PTPRF: variants seen among roughly 807,000 people sequenced by gnomAD.
PTPRF encodes protein tyrosine phosphatase receptor type F.
In PTPRF, 59 loss-of-function variants were observed where a neutral mutation model predicts 201.8. The observed-to-expected ratio is 0.29, with a 90% CI of 0.24 to 0.36. The LOEUF (loss-of-function observed/expected upper bound fraction) is 0.36. Ranked by LOEUF, PTPRF falls within the 10% of genes least tolerant of loss-of-function variation. PTPRF has a pLI of 1.00. For missense variants in PTPRF, 2,132 were observed against 2,690.5 expected (o/e 0.79, Z 4.59); for synonymous variants, 1,088 against 1,089.7 (o/e 1.00, Z 0.03).
intron 23 of PTPRF, among the ~76,000 whole-genome samples, chr1:43,615,861 G>C (rs1050489514): frequency 6.6e-6 from 1 of 152,166 alleles, no homozygotes; most frequent in African/African-American, 2.4e-5. Flanking sequence ...CACTGCACCA[G>C]GCCTGCTCTG....
At chr1:43,593,945 C>T (rs976327001) in intron 11 of PTPRF, among the ~76,000 whole-genome samples, 2 of 151,980 alleles carry the variant, frequency 1.3e-5, no homozygotes, top group African/African-American at 2.4e-5. Flanking sequence ...GAGATGGTGC[C>T]ATTGTACTGC....
Position 43,622,040 on chromosome 1 carries a change from G to A in PTPRF, c.*37G>A, listed in dbSNP as rs2154042111. 1 of 1,600,876 alleles carries A rather than the reference G, an allele frequency of 6.2e-7. No individual in the cohort carries two copies. The highest frequency in any genetic ancestry group is 8.6e-7 in the Non-Finnish European group (1 of 1,168,522). On this transcript the variant is annotated 3_prime_UTR_variant, in exon 34 of 34. Coordinates refer to ENST00000359947, the MANE Select transcript of PTPRF (RefSeq NM_002840.5). Reference sequence around the variant, plus strand: ...CTCTCCTCCGCCACCCCCGCCGTGGGGCTCCGGAGGGGACCCAGCTCCTCT... The same window carrying A: ...CTCTCCTCCGCCACCCCCGCCGTGGAGCTCCGGAGGGGACCCAGCTCCTCT...
Position 43,546,358 on chromosome 1 carries a change from A to G in PTPRF, c.91+1192A>G, listed in dbSNP as rs1047533775. ...CATGGGAGCACCAGGTACCAAAGAG[A>G]GGGCTGGGCAGGTGAGAGCAAGGAA... is the stretch of plus-strand genomic sequence containing the variant. On this transcript the variant is annotated intron_variant, in intron 3 of 33. Coordinates refer to ENST00000359947, the MANE Select transcript of PTPRF (RefSeq NM_002840.5). This position sits in a 1 kb window ranked among gnomAD's most constrained non-coding sequence, Gnocchi z 4.2. Among the ~76,000 whole-genome samples the G allele has an allele frequency of 1.3e-5, 2 of 151,988 alleles. No individual in the cohort carries two copies. The highest frequency in any genetic ancestry group is 4.8e-5 in the African/African-American group (2 of 41,358).
chr1:43,585,000 T>C (rs529383035), intron 7 of PTPRF, among the ~76,000 whole-genome samples: 1 of 152,202 alleles, frequency 6.6e-6, no homozygotes, highest in Non-Finnish European at 1.5e-5. Context: ...TGAAATATAA[T>C]CCAGAAATGG....
chr1:43,527,268 C>T (rs150186420), upstream of PTPRF, among the ~76,000 whole-genome samples: 148 of 152,310 alleles, frequency 9.7e-4, no homozygotes, highest in Non-Finnish European at 1.8e-3. Context: ...CATCCCTCCC[C>T]GCCAGGCCCA....
chr1:43,569,440 A>G (rs1646420603), intron 5 of PTPRF, 150 bp from the exon 6 acceptor site: 1 of 749,272 alleles, frequency 1.3e-6, no homozygotes, highest in Non-Finnish European at 2.1e-6. Flanking sequence ...GGTTCCTCAA[A>G]TCGGGGTATG....
intron 6 of PTPRF, among the ~76,000 whole-genome samples, chr1:43,578,476 T>G (rs1406880382): frequency 6.6e-6 from 1 of 152,128 alleles, no homozygotes; most frequent in East Asian, 1.9e-4. Context: ...ACAGGGATGT[T>G]GATTGGGAAA....
rs778116534 is a variant in PTPRF at position 43,592,471 on chromosome 1, C to T, written c.1683C>T (p.Phe561=). The part of the protein sequence containing the change: ...EDEDQQHKVT[F]DPTSSYTLED... ...GCTCTTCCCAGCACAAGGTGACCTT[C>T]GACCCAACCTCCTCCTACACACTAG... The change falls in exon 11 of 34, where the codon TTC becomes TTT. Residue 561 remains phenylalanine, a synonymous_variant. Transcript: ENST00000359947. The T allele has an allele frequency of 3.7e-6, 6 of 1,610,394 alleles. No homozygotes were observed. The highest frequency in any genetic ancestry group is 4.2e-6 in the Non-Finnish European group (5 of 1,178,326).
At chr1:43,615,905 C>T (rs892418764) in intron 23 of PTPRF, among the ~76,000 whole-genome samples, 1 of 152,136 alleles carries the variant, frequency 6.6e-6, no homozygotes, top group Non-Finnish European at 1.5e-5. Flanking sequence ...ATTGATCACA[C>T]ATTTTCCATG....
chr1:43,531,033 A>G lies in PTPRF; in HGVS notation c.-183A>G. ...GAGGCGGCGGCGGCAGAGGAGTGGG[A>G]GCAGCGGCCCTAGCGGCTTGCGGGG... On this transcript the variant is annotated 5_prime_UTR_variant, in exon 1 of 34. Coordinates refer to ENST00000359947, the MANE Select transcript of PTPRF (RefSeq NM_002840.5). 6.5e-6 allele frequency: 1 copy of G among 154,422 alleles called. No homozygotes were observed. The highest frequency in any genetic ancestry group is 1.4e-5 in the Non-Finnish European group (1 of 69,556). 9.6% of individuals were successfully genotyped at this position (154,422 alleles called of 1,614,324 possible). A position where few individuals can be genotyped will look rare whatever the true frequency, so the allele number is the denominator to read the frequency against.
chr1:43,605,651 C>G, intron 19 of PTPRF, 29 bp downstream of exon 19: 1 of 1,598,510 alleles, frequency 6.3e-7, no homozygotes, highest in Non-Finnish European at 8.6e-7. Context: ...GGGACACTGA[C>G]AGCCCCATTG....
intron 25 of PTPRF, 39 bp from the exon 26 acceptor site, chr1:43,618,591 G>A: frequency 6.3e-7 from 1 of 1,578,462 alleles, no homozygotes; most frequent in Middle Eastern, 1.7e-4. Flanking sequence ...GTCTGAGCCT[G>A]TGGGCTTCCT....
upstream of PTPRF, among the ~76,000 whole-genome samples, chr1:43,524,101 C>G (rs116520579): frequency 0.031 from 4,541 of 148,848 alleles, 243 homozygotes; most frequent in African/African-American, 0.11. Context: ...GAAGAGAGGC[C>G]GGGAACTCAG....
intron 26 of PTPRF, 144 bp from the exon 27 acceptor site, chr1:43,618,904 A>C (rs554461682): frequency 4.1e-4 from 594 of 1,431,768 alleles, no homozygotes; most frequent in Non-Finnish European, 5.5e-4. Context: ...TTATGGGAAC[A>C]GTGCTAGGAG....
At chr1:43,531,278 C>T in intron 1 of PTPRF, among the ~76,000 whole-genome samples, 188 bp downstream of exon 1, 1 of 149,580 alleles carries the variant, frequency 6.7e-6, no homozygotes, top group African/African-American at 2.4e-5. Context: ...CTCCACGCCC[C>T]AGCCTGGCGG....
chr1:43,603,799 C>T lies in PTPRF; in HGVS notation c.2647C>T (p.His883Tyr). 1.2e-6 allele frequency: 2 copies of T among 1,614,164 alleles called. No individual in the cohort carries two copies. The highest frequency in any genetic ancestry group is 1.6e-4 in the Middle Eastern group (1 of 6,062). ...DDQHFTVTGL[H>Y]KGTTYIFRLA... ...CCAGCACTTCACAGTCACCGGCCTG[C>T]ACAAGGGGACCACCTACATCTTCCG... Residue 883 changes from histidine (H) to tyrosine (Y), a missense_variant, in exon 16 of 34, where the codon CAC becomes TAC. His to Tyr is a moderately conservative substitution (Grantham distance 83). Transcript: ENST00000359947. The surrounding 1 kb of genome is among the most constrained non-coding windows in gnomAD (Gnocchi z 5.8).
chr1:43,545,308 C>T, intron 3 of PTPRF, 142 bp downstream of exon 3: 2 of 851,410 alleles, frequency 2.3e-6, no homozygotes, highest in East Asian at 2.7e-5. Context: ...CTAGAGAGCC[C>T]CCACTGCTTG....
At chr1:43,621,420 A>C (rs1382292900) in intron 33 of PTPRF, among the ~76,000 whole-genome samples, 188 bp downstream of exon 33, 1 of 152,258 alleles carries the variant, frequency 6.6e-6, no homozygotes, top group Non-Finnish European at 1.5e-5. Context: ...ATGTGGGAGA[A>C]TCACTTGAGG....
Position 43,545,126 on chromosome 1 carries a change from A to G in PTPRF, c.51A>G (p.Ala17=). Residue 17 remains alanine (A), a synonymous_variant, in exon 3 of 34, where the codon GCA becomes GCG. Coordinates refer to ENST00000359947, the MANE Select transcript of PTPRF (RefSeq NM_002840.5). ...GGACGATGGTGCCCCTTGTGCCTGC[A>G]CTGGTGATGCTTGGTTTGGTGGCAG... ...PGRTMVPLVP[A]LVMLGLVAGA... 6.3e-7 allele frequency: 1 copy of G among 1,590,638 alleles called. No individual in the cohort carries two copies. The highest frequency in any genetic ancestry group is 8.6e-7 in the Non-Finnish European group (1 of 1,168,190).
Sources: allele counts gnomAD v4.1 joint callset (sites outside exome capture counted in the v4.1 genomes callset), GRCh38; gene constraint gnomAD v4.1.1; non-coding constraint Gnocchi (gnomAD v3.1); transcripts MANE v1.5; gene names NCBI Gene and HGNC (gene_info 2026-07-23, HGNC 2026-07-21).